TMEM132D: variants seen among roughly 807,000 people sequenced by gnomAD.
The protein encoded by TMEM132D is transmembrane protein 132D.
In TMEM132D, 21 loss-of-function variants were observed where a neutral mutation model predicts 62.3. The ratio of observed to expected loss-of-function variants is 0.34; its 90% confidence interval spans 0.24 to 0.49. The LOEUF is 0.49. Among genes scored for constraint, TMEM132D ranks in the 20% least tolerant of loss-of-function variants. The pLI, the probability that TMEM132D is intolerant of heterozygous loss-of-function variation, is 0.99. For missense variants in TMEM132D, 1,346 were observed against 1,402.8 expected, an observed-to-expected ratio of 0.96 and a Z score of 0.65; for synonymous variants, 621 against 575.6, an observed-to-expected ratio of 1.08 and a Z score of -1.13.
At chr12:129,606,615 A>G (rs1878631959) in intron 2 of TMEM132D, among the ~76,000 whole-genome samples, 1 of 152,214 alleles carries the variant, frequency 6.6e-6, no homozygotes, top group African/African-American at 2.4e-5. Context: ...ACCCCAATAC[A>G]GGCACTACAG....
At chr12:129,184,207 G>T (rs890146442) in intron 5 of TMEM132D, among the ~76,000 whole-genome samples, 1 of 152,144 alleles carries the variant, frequency 6.6e-6, no homozygotes, top group Non-Finnish European at 1.5e-5. Context: ...CAGGCCACCC[G>T]CAGCAGCCAT....
At chr12:129,899,252 CACGGATGGATGGATGG>C (rs1875253590) in intron 1 of TMEM132D, among the ~76,000 whole-genome samples, 1 of 123,704 alleles carries the variant, frequency 8.1e-6, no homozygotes. Flanking sequence ...TGGATGGATG[CACGGATGGATGGATGG>C]ATGGATGGAT....
intron 4 of TMEM132D, among the ~76,000 whole-genome samples, chr12:129,248,344 T>C (rs567319297): frequency 1.9e-4 from 29 of 152,300 alleles, no homozygotes; most frequent in African/African-American, 7.0e-4. Flanking sequence ...AGTCTTAAAA[T>C]AGGGATGTCA....
intron 5 of TMEM132D, among the ~76,000 whole-genome samples, chr12:129,140,968 T>C (rs1158508911): frequency 6.6e-6 from 1 of 152,234 alleles, no homozygotes; most frequent in Non-Finnish European, 1.5e-5. Context: ...CCCTCAGTTA[T>C]TGGACATTTG....
intron 2 of TMEM132D, among the ~76,000 whole-genome samples, chr12:129,568,585 A>G (rs186397776): frequency 1.1e-3 from 170 of 152,322 alleles, no homozygotes; most frequent in African/African-American, 3.9e-3. Context: ...CCACTTGCAA[A>G]TCTGTGGAGA....
intron 4 of TMEM132D, among the ~76,000 whole-genome samples, chr12:129,301,595 AT>A (rs1347616687): frequency 1.3e-5 from 2 of 152,218 alleles, no homozygotes; most frequent in Non-Finnish European, 2.9e-5. Context: ...AGTTTCATCC[AT>A]AAAGACAGTC....
chr12:129,828,623 G>A (rs1034894104), intron 1 of TMEM132D, among the ~76,000 whole-genome samples: 1 of 132,624 alleles, frequency 7.5e-6, no homozygotes, highest in Non-Finnish European at 1.6e-5. Context: ...GTGGGCTAAT[G>A]AGAAGTAAGG....
intron 3 of TMEM132D, among the ~76,000 whole-genome samples, chr12:129,380,031 G>T (rs1870893358): frequency 6.6e-6 from 1 of 152,108 alleles, no homozygotes; most frequent in Non-Finnish European, 1.5e-5. Context: ...GTCTAAAAGA[G>T]ACCTTTTATT....
intron 3 of TMEM132D, among the ~76,000 whole-genome samples, chr12:129,355,492 C>A (rs1400841354): frequency 2.0e-5 from 3 of 151,846 alleles, no homozygotes; most frequent in Non-Finnish European, 2.9e-5. Flanking sequence ...AGATGGTACT[C>A]TAAAGCATAA....
intron 3 of TMEM132D, among the ~76,000 whole-genome samples, chr12:129,398,095 A>G (rs770484787): frequency 6.6e-6 from 1 of 152,218 alleles, no homozygotes; most frequent in Non-Finnish European, 1.5e-5. Context: ...TGTGCTGAGG[A>G]CAGGAGACAC....
At chr12:129,534,474 A>G (rs10847898) in intron 2 of TMEM132D, among the ~76,000 whole-genome samples, 42,505 of 151,534 alleles carry the variant, frequency 0.28, 6,235 homozygotes, top group African/African-American at 0.35. Flanking sequence ...ATATGTATAC[A>G]TAATGTAGAA....
At chr12:129,165,010 A>G (rs984018108) in intron 5 of TMEM132D, among the ~76,000 whole-genome samples, 7 of 152,230 alleles carry the variant, frequency 4.6e-5, no homozygotes, top group African/African-American at 1.7e-4. Context: ...ATAATGGTAT[A>G]TTCATACATG....
chr12:129,854,346 A>G (rs1444348409), intron 1 of TMEM132D, among the ~76,000 whole-genome samples: 2 of 152,184 alleles, frequency 1.3e-5, no homozygotes, highest in Admixed American at 1.3e-4. Flanking sequence ...AATGTGACAC[A>G]GGGCCAATGT....
At chr12:129,232,391 A>C (rs1484145446) in intron 4 of TMEM132D, among the ~76,000 whole-genome samples, 1 of 152,212 alleles carries the variant, frequency 6.6e-6, no homozygotes, top group Non-Finnish European at 1.5e-5. Flanking sequence ...GTTAAAATAC[A>C]ATGATGGTGC....
chr12:129,150,841 G>T (rs866517431), intron 5 of TMEM132D, among the ~76,000 whole-genome samples: 9 of 152,362 alleles, frequency 5.9e-5, no homozygotes, highest in Admixed American at 2.0e-4. Flanking sequence ...CCGGACTAAA[G>T]TGATCTAGAG....
chr12:129,243,479 G>T (rs755608430), intron 4 of TMEM132D, among the ~76,000 whole-genome samples: 2 of 152,170 alleles, frequency 1.3e-5, no homozygotes, highest in Non-Finnish European at 2.9e-5. Context: ...TAGAAGCTCT[G>T]GGGGTGCAGA....
At chr12:129,244,385 CAAA>C (rs751155633) in intron 4 of TMEM132D, among the ~76,000 whole-genome samples, 13 of 85,230 alleles carry the variant, frequency 1.5e-4, no homozygotes, top group Non-Finnish European at 2.0e-4. Context: ...GACTCTGTCT[CAAA>C]AAAAAAAAAA....
At chr12:129,825,784 C>G (rs998314799) in intron 1 of TMEM132D, among the ~76,000 whole-genome samples, 1 of 152,158 alleles carries the variant, frequency 6.6e-6, no homozygotes, top group Non-Finnish European at 1.5e-5. Flanking sequence ...AGGGGTATAA[C>G]CAGGTGCAGT....
rs746315309 is a variant in TMEM132D, at chr12:129,842,097, ATTTTTTT to A, written c.79+61157_79+61163del. Among the ~76,000 whole-genome samples the A allele has an allele frequency of 6.2e-4, 60 of 97,444 alleles. No individual in the cohort carries two copies. The Middle Eastern group carries it at 0.019, about 31-fold the overall frequency. The allele number at this position is 97,444 out of a possible 152,430, so 63.9% of individuals were successfully genotyped here. A position where few individuals can be genotyped will look rare whatever the true frequency, so the allele number is the denominator to read the frequency against. ...AGGCGCCCACCACCACGCCCGGCTA[ATTTTTTT>A]TTTTTTTTTTTTTTTTTGTATTTTT... On this transcript the variant is annotated intron_variant, in intron 1 of 8. Coordinates refer to ENST00000422113, the MANE Select transcript of TMEM132D (RefSeq NM_133448.3).
Sources: gnomAD v4.1 joint callset for allele counts (sites outside exome capture counted in the v4.1 genomes callset) on GRCh38, gnomAD v4.1.1 for gene constraint, MANE v1.5 for transcripts, NCBI Gene and HGNC (gene_info 2026-07-23, HGNC 2026-07-21) for gene names.